The following ITGA3 variants were observed in gnomAD, a reference collection of about 807,000 sequenced individuals.
ITGA3 encodes integrin alpha-3.
Under a neutral mutation model 131.1 loss-of-function variants are expected in ITGA3, and 70 were observed. That is an observed-to-expected ratio of 0.53 (90% CI 0.44 to 0.65). The LOEUF is 0.65. Ranked by LOEUF, ITGA3 falls within the 30% of genes least tolerant of loss-of-function variation. ITGA3 has a pLI of 0.00. For missense variants in ITGA3, 1,098 were observed against 1,388.6 expected, an observed-to-expected ratio of 0.79 and a Z score of 3.33; for synonymous variants, 537 against 571.6, an observed-to-expected ratio of 0.94 and a Z score of 0.86.
chr17:50,078,752 T>G, intron 18 of ITGA3, 72 bp from the exon 19 acceptor site: 1 of 843,308 alleles, frequency 1.2e-6, no homozygotes, highest in South Asian at 1.5e-5. Flanking sequence ...TAGCCAGCTT[T>G]GGTGCCCACC....
In ITGA3 at chr17:50,071,228, G is replaced by T. The variant is rs1270960423; in HGVS notation, c.752-83G>T. The T allele has an allele frequency of 4.1e-6, 5 of 1,232,886 alleles. No homozygotes were observed. The African/African-American group carries it at 7.5e-5, about 18-fold the overall frequency. 76.4% of individuals were successfully genotyped at this position (1,232,886 alleles called of 1,614,324 possible). On this transcript the variant is annotated intron_variant, in intron 5 of 25. Transcript: ENST00000320031. ...GATAGAACATCATGGTGGGGGGCAA[G>T]AGAGGGAATAGGGAGATGGGTCCAG...
At chr17:50,084,706 G>C (rs1402486780) in intron 23 of ITGA3, among the ~76,000 whole-genome samples, 3 of 152,134 alleles carry the variant, frequency 2.0e-5, no homozygotes, top group African/African-American at 7.2e-5. Flanking sequence ...GATCGCTTGA[G>C]CCTAGGAGTT....
In ITGA3 at chr17:50,090,297, T is replaced by C. The variant is rs1006309624; in HGVS notation, c.*1219T>C. On this transcript the variant is annotated 3_prime_UTR_variant, in exon 26 of 26. Transcript: ENST00000320031. ...GCCCCCTCCCCCATGGGCTGTGTCC[T>C]AAGGCCCATTTGAGAAGCTGAGGCT... The C allele has an allele frequency of 6.6e-6, 3 of 455,198 alleles. No homozygotes were observed. The highest frequency in any genetic ancestry group is 3.3e-4 in the Middle Eastern group (1 of 3,042). 28.2% of individuals were successfully genotyped at this position (455,198 alleles called of 1,614,324 possible).
In ITGA3 at chr17:50,075,638, C is replaced by T. The variant is rs534974920; in HGVS notation, c.1577C>T (p.Pro526Leu). ...YTLEADRDRR[P>L]PRLRFAGSES... is the part of the protein sequence containing the mutation. ...CTGGAGGCTGACAGGGACCGCCGGCCGCCCCGGCTCCGCTTTGCCGGCAGT... is the reference window on the plus strand; with the variant it reads ...CTGGAGGCTGACAGGGACCGCCGGCTGCCCCGGCTCCGCTTTGCCGGCAGT... Residue 526 changes from proline to leucine, a missense_variant, in exon 12 of 26, where the codon CCG becomes CTG. Around this residue, in one of 3 missense-constraint regions of ITGA3, gnomAD observed 699 missense variants for 829.2 expected, o/e 0.84. Coordinates refer to ENST00000320031, the MANE Select transcript of ITGA3 (RefSeq NM_002204.4). 1.5e-5 allele frequency: 24 copies of T among 1,614,196 alleles called. No homozygotes were observed. In the East Asian group the frequency reaches 2.2e-4, roughly 15 times the overall value.
Position 50,079,477 on chromosome 17 carries a change from C to T in ITGA3, c.2626C>T (p.Gln876Ter), listed in dbSNP as rs1317921674. Residue 876 changes from glutamine to a stop codon, truncating the protein, a stop_gained, in exon 21 of 26, where the codon CAG (glutamine) becomes TAG (stop). Transcript: ENST00000320031. LOFTEE classifies it high-confidence loss of function. Reference protein sequence around the residue: ...RPSSPQRRRRQLDPGGGQGPP... With the variant: ...RPSSPQRRRR ...ATCATCCCCACAGCGCAGGCGGCGA[C>T]AGCTGGATCCAGGGGGAGGCCAGGG... The T allele has an allele frequency of 6.3e-7, 1 of 1,578,952 alleles. No homozygotes were observed. The highest frequency in any genetic ancestry group is 2.3e-5 in the East Asian group (1 of 44,436).
chr17:50,072,209 A>C, intron 7 of ITGA3, 27 bp downstream of exon 7: 1 of 1,587,706 alleles, frequency 6.3e-7, no homozygotes, highest in Non-Finnish European at 8.6e-7. Context: ...CTCCCCCAGC[A>C]CCCCTCCTCC....
At chr17:50,061,612 C>T (rs926183615) in intron 1 of ITGA3, among the ~76,000 whole-genome samples, 1 of 152,144 alleles carries the variant, frequency 6.6e-6, no homozygotes, top group African/African-American at 2.4e-5. Flanking sequence ...AGCGCTCCCA[C>T]CCTGACCCCA....
chr17:50,076,411 G>A lies in ITGA3; in HGVS notation c.1760G>A (p.Gly587Glu), dbSNP rs774498970. 35 of 1,612,344 alleles carry A rather than the reference G, an allele frequency of 2.2e-5. No homozygotes were observed. The highest frequency in any genetic ancestry group is 2.1e-5 in the Non-Finnish European group (25 of 1,179,994). The change falls in exon 13 of 26, where the codon GGG (glycine) becomes GAG (glutamate). Residue 587 changes from glycine to glutamate, a missense_variant. Gly to Glu is a moderately conservative substitution (Grantham distance 98). Transcript: ENST00000320031. ...PLRMPDRPRLGLRSLDAYPIL... is the reference protein window; with the variant it reads ...PLRMPDRPRLELRSLDAYPIL... ...CGGATGCCCGATCGCCCCCGGCTGGGGCTGCGGTCCCTGGACGCCTACCCG... is the reference window on the plus strand; with the variant it reads ...CGGATGCCCGATCGCCCCCGGCTGGAGCTGCGGTCCCTGGACGCCTACCCG...
At position 50,079,226 on chromosome 17, in the gene ITGA3, G is replaced by GACTTTATCAACCCTCTCA. The variant is rs1909068545; in HGVS notation, c.2553_2554insTTTATCAACCCTCTCAAC (p.Asp851_Leu852insPheIleAsnProLeuAsn). On this transcript the variant is annotated inframe_insertion, in exon 20 of 26. Coordinates refer to ENST00000320031, the MANE Select transcript of ITGA3 (RefSeq NM_002204.4). ...GTCCTGGCCCTGCCGACCACCTGGAGACCTTATCAACCCTCTCAACCTCAC... is the reference window on the plus strand; with the variant it reads ...GTCCTGGCCCTGCCGACCACCTGGAGACTTTATCAACCCTCTCAACCTTATCAACCCTCTCAACCTCAC... 1 of 1,613,926 alleles carries GACTTTATCAACCCTCTCA rather than the reference G, an allele frequency of 6.2e-7. No individual in the cohort carries two copies. The highest frequency in any genetic ancestry group is 8.5e-7 in the Non-Finnish European group (1 of 1,180,002).
intron 16 of ITGA3, 92 bp from the exon 17 acceptor site, chr17:50,077,954 C>T: frequency 1.8e-6 from 2 of 1,087,322 alleles, no homozygotes; most frequent in Non-Finnish European, 1.4e-6. Context: ...GCCAGAAAGC[C>T]AACTAGAATA....
At chr17:50,078,677 C>G in intron 18 of ITGA3, 147 bp from the exon 19 acceptor site, 1 of 648,266 alleles carries the variant, frequency 1.5e-6, no homozygotes, top group Non-Finnish European at 2.8e-6. Flanking sequence ...TGCTTGAGTC[C>G]ATAAAGCTTG....
chr17:50,062,410 G>A (rs1285911138), intron 1 of ITGA3, among the ~76,000 whole-genome samples: 2 of 152,200 alleles, frequency 1.3e-5, no homozygotes, highest in African/African-American at 2.4e-5. Context: ...GAGAGCGGAT[G>A]TCCATGGGTG....
intron 23 of ITGA3, among the ~76,000 whole-genome samples, chr17:50,083,185 T>A (rs953883959): frequency 6.6e-6 from 1 of 152,160 alleles, no homozygotes; most frequent in African/African-American, 2.4e-5. Flanking sequence ...TAAGTAGTGT[T>A]GGGAGAACAC....
intron 20 of ITGA3, 86 bp downstream of exon 20, chr17:50,079,344 G>A: frequency 6.4e-7 from 1 of 1,560,334 alleles, no homozygotes; most frequent in Non-Finnish European, 8.7e-7. Flanking sequence ...ATACCCCTTT[G>A]GCAAGCTGTC....
At chr17:50,074,844 G>T (rs1320732244) in intron 10 of ITGA3, among the ~76,000 whole-genome samples, 1 of 152,156 alleles carries the variant, frequency 6.6e-6, no homozygotes, top group Non-Finnish European at 1.5e-5. Context: ...TAAGTGGATG[G>T]ATATGGAGGA....
Position 50,077,402 on chromosome 17 carries a change from G to A in ITGA3, c.2094G>A (p.Glu698=), listed in dbSNP as rs775282736. The A allele has an allele frequency of 1.2e-6, 2 of 1,614,062 alleles. No individual in the cohort carries two copies. Among genetic ancestry groups the A allele is most frequent in the South Asian group, 2.2e-5 (2 of 91,078 alleles). ...VRPPGACQAN[E]TIFCELGNPF... ...AGCCCGGGGCCTGCCAAGCTAATGAGACCATCTTTTGCGAGCTGGGGAACC... is the reference window on the plus strand; with the variant it reads ...AGCCCGGGGCCTGCCAAGCTAATGAAACCATCTTTTGCGAGCTGGGGAACC... The change falls in exon 16 of 26, where the codon GAG becomes GAA. Residue 698 remains glutamate, a synonymous_variant. Transcript: ENST00000320031.
intron 3 of ITGA3, chr17:50,065,128 T>G (rs371679432): frequency 1.3e-5 from 2 of 152,526 alleles, no homozygotes; most frequent in Admixed American, 6.5e-5. Context: ...CCCCCCGCAT[T>G]TTTTTCTCTC....
At chr17:50,071,257 A>G (rs1011646862) in intron 5 of ITGA3, 54 bp from the exon 6 acceptor site, 2 of 1,500,594 alleles carry the variant, frequency 1.3e-6, no homozygotes, top group African/African-American at 2.8e-5. Flanking sequence ...GGTCCAGAGT[A>G]GAAAGAGACG....
intron 24 of ITGA3, 115 bp from the exon 25 acceptor site, chr17:50,088,110 G>C: frequency 1.4e-6 from 2 of 1,387,164 alleles, no homozygotes; most frequent in South Asian, 1.5e-5. Context: ...ACCAAGCTGG[G>C]ACTGAGCCCC....
Sources: gnomAD v4.1 joint callset for allele counts (sites outside exome capture counted in the v4.1 genomes callset) on GRCh38, gnomAD v4.1.1 for gene constraint, gnomAD v4.1.1 regional missense constraint, MANE v1.5 for transcripts, NCBI Gene and HGNC (gene_info 2026-07-23, HGNC 2026-07-21) for gene names.